DPP10: variants seen among roughly 807,000 people sequenced by gnomAD.
DPP10 encodes dipeptidyl peptidase like 10.
A neutral mutation model predicts 120.9 loss-of-function variants in DPP10; 33 were observed. That is an observed-to-expected ratio of 0.27 (90% confidence interval 0.21 to 0.37). DPP10 has a LOEUF of 0.37. Among genes scored for constraint, DPP10 ranks in the 10% least tolerant of loss-of-function variants. DPP10 has a pLI of 1.00. For missense variants in DPP10, 816 were observed against 942.8 expected, an observed-to-expected ratio of 0.87 and a Z score of 1.76; for synonymous variants, 337 against 326.1, an observed-to-expected ratio of 1.03 and a Z score of -0.36.
intron 19 of DPP10, among the ~76,000 whole-genome samples, chr2:115,802,802 G>C (rs200921665): frequency 1.3e-5 from 2 of 152,238 alleles, no homozygotes; most frequent in South Asian, 4.1e-4. Context: ...GAGATAGTTT[G>C]TTATAATTTC....
At chr2:115,825,244 A>T (rs200013048) in intron 21 of DPP10, among the ~76,000 whole-genome samples, 1 of 152,140 alleles carries the variant, frequency 6.6e-6, no homozygotes, top group South Asian at 2.1e-4. Context: ...CTTTTTTCTA[A>T]CAGCCTCTAA....
chr2:115,798,396 C>T (rs1248960174), intron 19 of DPP10, among the ~76,000 whole-genome samples: 1 of 152,046 alleles, frequency 6.6e-6, no homozygotes, highest in Non-Finnish European at 1.5e-5. Context: ...TGTATTCTTT[C>T]TTGGTAATCC....
At chr2:115,527,287 C>T (rs76822160) in intron 5 of DPP10, among the ~76,000 whole-genome samples, 4,662 of 151,970 alleles carry the variant, frequency 0.031, 101 homozygotes, top group Non-Finnish European at 0.048. Context: ...GTCTTTTCAA[C>T]AACTAGTGCC....
At chr2:115,075,419 G>A (rs1033407433) in intron 1 of DPP10, among the ~76,000 whole-genome samples, 6 of 152,124 alleles carry the variant, frequency 3.9e-5, no homozygotes, top group African/African-American at 1.4e-4. Flanking sequence ...ATGATCGAGG[G>A]GAAGTCCCAG....
chr2:115,414,678 C>T (rs1237395309), intron 3 of DPP10, among the ~76,000 whole-genome samples: 1 of 152,114 alleles, frequency 6.6e-6, no homozygotes, highest in Non-Finnish European at 1.5e-5. Context: ...TTGTACTGGG[C>T]ACTCTGCCAA....
At chr2:115,099,147 GAAAAA>G (rs371431565) in intron 1 of DPP10, among the ~76,000 whole-genome samples, 7 of 141,988 alleles carry the variant, frequency 4.9e-5, no homozygotes, top group Non-Finnish European at 1.1e-4. Context: ...AAAAAAAAAA[GAAAAA>G]AAGAAAAGAA....
chr2:114,897,106 A>G (rs1274616367), intron 1 of DPP10, among the ~76,000 whole-genome samples: 1 of 152,140 alleles, frequency 6.6e-6, no homozygotes, highest in African/African-American at 2.4e-5. Flanking sequence ...ATGGTGGATA[A>G]GCTTTTTGAT....
intron 1 of DPP10, among the ~76,000 whole-genome samples, chr2:114,830,249 AC>A (rs1437986934): frequency 1.3e-5 from 2 of 151,738 alleles, no homozygotes; most frequent in East Asian, 1.9e-4. Context: ...GCCATCGAGT[AC>A]CCCCCTTACA....
At chr2:114,917,746 CTAGCCACATGCAG>C (rs1400787127) in intron 1 of DPP10, among the ~76,000 whole-genome samples, 16 of 152,086 alleles carry the variant, frequency 1.1e-4, no homozygotes, top group African/African-American at 3.9e-4. Flanking sequence ...GTATAACTGG[CTAGCCACATGCAG>C]AAGACTGAAA....
intron 1 of DPP10, among the ~76,000 whole-genome samples, chr2:114,891,996 A>C (rs936995515): frequency 2.6e-5 from 4 of 152,116 alleles, no homozygotes; most frequent in African/African-American, 9.7e-5. Context: ...GTCTGGACTT[A>C]GTACTGGTTC....
intron 1 of DPP10, among the ~76,000 whole-genome samples, chr2:115,260,397 G>A (rs374152874): frequency 6.6e-6 from 1 of 152,178 alleles, no homozygotes; most frequent in South Asian, 2.1e-4. Context: ...ACCAAGAAAC[G>A]TGAAGATCAT....
At chr2:115,379,358 C>T (rs2066094830) in intron 3 of DPP10, among the ~76,000 whole-genome samples, 2 of 151,968 alleles carry the variant, frequency 1.3e-5, no homozygotes, top group South Asian at 4.2e-4. Flanking sequence ...TTGTAGTATT[C>T]TCTGATGGTA....
chr2:115,431,294 T>C (rs2070955167), intron 3 of DPP10, among the ~76,000 whole-genome samples: 1 of 152,156 alleles, frequency 6.6e-6, no homozygotes, highest in African/African-American at 2.4e-5. Context: ...CAAGTACTGT[T>C]ACCTGAGCAT....
chr2:115,376,110 A>G (rs886189692), intron 3 of DPP10, among the ~76,000 whole-genome samples: 2 of 152,156 alleles, frequency 1.3e-5, no homozygotes, highest in Non-Finnish European at 2.9e-5. Flanking sequence ...TGGTGGAGCT[A>G]TAGATGGAGG....
At chr2:115,751,773 T>A (rs2149742808) in intron 10 of DPP10, among the ~76,000 whole-genome samples, 1 of 150,802 alleles carries the variant, frequency 6.6e-6, no homozygotes, top group Non-Finnish European at 1.5e-5. Flanking sequence ...CATATAAAAC[T>A]GGGTTAATTA....
At chr2:115,359,850 A>T (rs1334296478) in intron 3 of DPP10, among the ~76,000 whole-genome samples, 1 of 152,082 alleles carries the variant, frequency 6.6e-6, no homozygotes, top group East Asian at 1.9e-4. Flanking sequence ...GAATTGGTTA[A>T]AAGGACCAGT....
At chr2:114,564,918 G>T (rs952016276) in intron 1 of DPP10, among the ~76,000 whole-genome samples, 1 of 152,142 alleles carries the variant, frequency 6.6e-6, no homozygotes, top group Non-Finnish European at 1.5e-5. Flanking sequence ...CACCAGAAAA[G>T]TTTTGTCTCC....
At chr2:115,535,798 A>T (rs537956037) in intron 5 of DPP10, among the ~76,000 whole-genome samples, 1,582 of 151,840 alleles carry the variant, frequency 0.01, 28 homozygotes, top group African/African-American at 0.037. Context: ...TTGAGCAGCG[A>T]TTTGTAGTTC....
chr2:115,596,448 T>C (rs1054695395), intron 5 of DPP10, among the ~76,000 whole-genome samples: 5 of 152,158 alleles, frequency 3.3e-5, no homozygotes, highest in African/African-American at 1.2e-4. Context: ...ATTTTAGTAA[T>C]GAAACATCAT....
Sources: allele counts gnomAD v4.1 joint callset (sites outside exome capture counted in the v4.1 genomes callset), GRCh38; gene constraint gnomAD v4.1.1; transcripts MANE v1.5; gene names NCBI Gene and HGNC (gene_info 2026-07-23, HGNC 2026-07-21).